ATAD2: variants seen among roughly 807,000 people sequenced by gnomAD.
The protein encoded by ATAD2 is ATPase family AAA domain containing 2.
ATAD2 carries 62 observed loss-of-function variants against 168.9 expected under a neutral mutation model. The ratio of observed to expected loss-of-function variants is 0.37; its 90% CI spans 0.30 to 0.45. ATAD2 has a LOEUF of 0.45. Ranked by LOEUF, ATAD2 falls within the 20% of genes least tolerant of loss-of-function variation. The probability of loss-of-function intolerance (pLI) is 1.00; values close to 1 mark genes in which losing one functional copy is unlikely to be tolerated. For synonymous variants in ATAD2, 613 were observed against 571.6 expected, an observed-to-expected ratio of 1.07 and a Z score of -1.03; for missense variants, 1,419 against 1,667.8, an observed-to-expected ratio of 0.85 and a Z score of 2.60.
At chr8:123,326,062 A>G (rs79188010) in intron 25 of ATAD2, 36 bp from the exon 26 acceptor site, 2 of 1,601,784 alleles carry the variant, frequency 1.2e-6, no homozygotes, top group African/African-American at 1.3e-5. Context: ...TATTTGGTCC[A>G]TAGATATTAT....
chr8:123,326,580 A>AG (rs935680982), intron 25 of ATAD2, among the ~76,000 whole-genome samples: 1 of 151,930 alleles, frequency 6.6e-6, no homozygotes, highest in African/African-American at 2.4e-5. Flanking sequence ...TGGGAGGCTG[A>AG]GGTTTGAGGA....
At chr8:123,392,751 C>T (rs1281184840) in intron 1 of ATAD2, among the ~76,000 whole-genome samples, 1 of 151,922 alleles carries the variant, frequency 6.6e-6, no homozygotes, top group East Asian at 1.9e-4. Context: ...GAATAGAGTG[C>T]GTTTTGTAAA....
upstream of ATAD2, among the ~76,000 whole-genome samples, chr8:123,397,240 CAAAAAAAAAA>C (rs71310670): frequency 1.2e-4 from 5 of 40,036 alleles, no homozygotes; most frequent in East Asian, 6.3e-3. Flanking sequence ...GACTCTGTCT[CAAAAAAAAAA>C]AAAAAAAAAA....
intron 15 of ATAD2, chr8:123,347,908 A>G: frequency 2.5e-6 from 1 of 406,758 alleles, no homozygotes; most frequent in Non-Finnish European, 4.5e-6. Context: ...TGTATTTTGT[A>G]CAATTATATT....
At chr8:123,393,261 A>C (rs979283399) in intron 1 of ATAD2, among the ~76,000 whole-genome samples, 1 of 151,964 alleles carries the variant, frequency 6.6e-6, no homozygotes, top group African/African-American at 2.4e-5. Flanking sequence ...CTTTAATCCC[A>C]GCAATTTGGG....
chr8:123,352,438 T>C (rs1310423162), intron 13 of ATAD2: 1 of 153,098 alleles, frequency 6.5e-6, no homozygotes, highest in Non-Finnish European at 1.5e-5. Flanking sequence ...CATTTTGGCT[T>C]GGCTGCAACA....
rs201332409 is a variant in ATAD2 at position 123,345,111 on chromosome 8, C to T, written c.2533-42G>A. 1.1e-5 allele frequency: 17 copies of T among 1,517,664 alleles called. No individual in the cohort carries two copies. In the Admixed American group the frequency reaches 1.7e-4, roughly 15 times the overall value. 94.0% of individuals were successfully genotyped at this position (1,517,664 alleles called of 1,614,324 possible). A position where few individuals can be genotyped will look rare whatever the true frequency, so the allele number is the denominator to read the frequency against. Reference sequence around the variant, plus strand: ...AAAACAAATTCAGTTAGAGTCAGCACGTTAATAATGCTAGTTCTATTAGTC... The same window carrying T: ...AAAACAAATTCAGTTAGAGTCAGCATGTTAATAATGCTAGTTCTATTAGTC... On this transcript the variant is annotated intron_variant, in intron 18 of 27. Transcript: ENST00000287394.
chr8:123,367,260 CAA>C (rs1829007531), intron 8 of ATAD2, among the ~76,000 whole-genome samples: 1 of 151,948 alleles, frequency 6.6e-6, no homozygotes, highest in Non-Finnish European at 1.5e-5. Context: ...ACTAAAAATA[CAA>C]AAAAATTAGC....
At chr8:123,342,239 C>T (rs977618749) in intron 19 of ATAD2, among the ~76,000 whole-genome samples, 25 of 152,178 alleles carry the variant, frequency 1.6e-4, no homozygotes, top group Admixed American at 4.6e-4. Flanking sequence ...AAATAAACTT[C>T]TACTTTATTA....
intron 1 of ATAD2, among the ~76,000 whole-genome samples, chr8:123,381,562 A>G (rs1296936064): frequency 6.6e-6 from 1 of 152,122 alleles, no homozygotes; most frequent in Non-Finnish European, 1.5e-5. Flanking sequence ...TGTAAAAACC[A>G]TACAGCTTTA....
At chr8:123,349,582 AT>A (rs1418710115) in intron 13 of ATAD2, 138 bp from the exon 14 acceptor site, 7 of 764,204 alleles carry the variant, frequency 9.2e-6, no homozygotes. Context: ...TTTCCAATGG[AT>A]TAAAAAAATC....
intron 7 of ATAD2, chr8:123,369,530 A>G (rs1349834631): frequency 5.5e-6 from 2 of 363,758 alleles, no homozygotes; most frequent in Non-Finnish European, 9.8e-6. Context: ...AAGAAGTCCT[A>G]TCTCTATACA....
At chr8:123,387,269 G>A (rs1406664746) in intron 1 of ATAD2, among the ~76,000 whole-genome samples, 2 of 151,976 alleles carry the variant, frequency 1.3e-5, no homozygotes, top group African/African-American at 4.8e-5. Context: ...GCCATTACAT[G>A]AATCTATTTA....
At chr8:123,371,952 T>C (rs1431041710) in intron 3 of ATAD2, 117 bp from the exon 4 acceptor site, 1 of 1,064,042 alleles carries the variant, frequency 9.4e-7, no homozygotes, top group African/African-American at 1.6e-5. Context: ...TTACAGTATC[T>C]TAAACTTAGC....
intron 19 of ATAD2, among the ~76,000 whole-genome samples, chr8:123,342,787 C>T (rs1202456156): frequency 1.3e-5 from 2 of 152,074 alleles, no homozygotes; most frequent in Admixed American, 6.6e-5. Context: ...TAACCTTGGC[C>T]TCCTTTCCTC....
At chr8:123,354,320 TAAAA>T (rs34001146) in intron 13 of ATAD2, among the ~76,000 whole-genome samples, 1 of 152,230 alleles carries the variant, frequency 6.6e-6, no homozygotes, top group South Asian at 2.1e-4. Context: ...TGCTAAATTC[TAAAA>T]AAGCTTAATT....
rs1173210925 is a variant in ATAD2, at chr8:123,371,281, T to C, written c.594A>G (p.Arg198=). The C allele has an allele frequency of 1.9e-6, 3 of 1,610,528 alleles. No homozygotes were observed. Among genetic ancestry groups the C allele is most frequent in the Non-Finnish European group, 2.5e-6 (3 of 1,178,662 alleles). The change falls in exon 5 of 28, where the codon CGA becomes CGG. Residue 198 remains arginine, a synonymous_variant. Transcript: ENST00000287394. ...CTCCCAAGTCTTCAAGTTCTCTCATTCGCTGTCTACGCATCTTCTTCATGT... is the reference window on the plus strand; with the variant it reads ...CTCCCAAGTCTTCAAGTTCTCTCATCCGCTGTCTACGCATCTTCTTCATGT... The part of the protein sequence containing the change: ...MDDMKKMRRQ[R]MRELEDLGVF...
At chr8:123,340,850 A>G (rs1828041005) in intron 19 of ATAD2, among the ~76,000 whole-genome samples, 1 of 152,162 alleles carries the variant, frequency 6.6e-6, no homozygotes, top group Non-Finnish European at 1.5e-5. Flanking sequence ...GATAACAAGA[A>G]AGATCTGGAT....
At chr8:123,376,728 G>T (rs1829327495) in intron 2 of ATAD2, among the ~76,000 whole-genome samples, 1 of 152,030 alleles carries the variant, frequency 6.6e-6, no homozygotes, top group Non-Finnish European at 1.5e-5. Context: ...GCTGAGGCAG[G>T]GGGATTGCTA....
Sources: allele counts gnomAD v4.1 joint callset (sites outside exome capture counted in the v4.1 genomes callset), GRCh38; gene constraint gnomAD v4.1.1; transcripts MANE v1.5; gene names NCBI Gene and HGNC (gene_info 2026-07-23, HGNC 2026-07-21).